The following IL1RAPL1 variants were observed in gnomAD, a reference collection of about 807,000 sequenced individuals.
IL1RAPL1 encodes interleukin-1 receptor accessory protein-like 1.
Under a neutral mutation model 48.4 loss-of-function variants are expected in IL1RAPL1, and 3 were observed. The observed-to-expected ratio is 0.06, with a 90% CI of 0.03 to 0.16. IL1RAPL1 has a LOEUF of 0.16. Ranked by LOEUF, IL1RAPL1 falls within the 10% of genes least tolerant of loss-of-function variation. IL1RAPL1 has a pLI of 1.00. For synonymous variants in IL1RAPL1, 185 were observed against 187.7 expected, an observed-to-expected ratio of 0.99 and a Z score of 0.12; for missense variants, 349 against 530.6, an observed-to-expected ratio of 0.66 and a Z score of 3.36.
chrX:29,000,557 A>G (rs1925827411), intron 2 of IL1RAPL1, among the ~76,000 whole-genome samples: 1 of 112,004 alleles, frequency 8.9e-6, no homozygotes, highest in Non-Finnish European at 1.9e-5. Flanking sequence ...TTAGAAGACT[A>G]GTCTATATTA....
At chrX:29,330,295 A>G (rs1480684776) in intron 3 of IL1RAPL1, among the ~76,000 whole-genome samples, 2 of 112,163 alleles carry the variant, frequency 1.8e-5, no homozygotes, top group African/African-American at 6.5e-5. Flanking sequence ...ACTCTACCTC[A>G]TAGGTGTTAA....
intron 5 of IL1RAPL1, among the ~76,000 whole-genome samples, chrX:29,496,567 G>A (rs887099081): frequency 9.6e-6 from 1 of 104,301 alleles, no homozygotes. Flanking sequence ...AAGGTGAGCA[G>A]ATGCCAGCAC....
chrX:29,730,342 G>T (rs781030498), intron 6 of IL1RAPL1, among the ~76,000 whole-genome samples: 70 of 111,989 alleles, frequency 6.3e-4, no homozygotes, highest in African/African-American at 2.2e-3. Context: ...CTGGATGCTG[G>T]AGATACAAGT....
intron 1 of IL1RAPL1, among the ~76,000 whole-genome samples, chrX:28,638,228 G>A (rs915389732): frequency 4.5e-5 from 5 of 111,412 alleles, no homozygotes; most frequent in African/African-American, 1.3e-4. Flanking sequence ...GAAATTATAT[G>A]CCTAGTCCAG....
intron 5 of IL1RAPL1, among the ~76,000 whole-genome samples, chrX:29,415,773 T>G (rs1934207509): frequency 8.9e-6 from 1 of 112,542 alleles, no homozygotes; most frequent in Non-Finnish European, 1.9e-5. Flanking sequence ...TTTTTGCCAC[T>G]TAGTGGCAAG....
intron 2 of IL1RAPL1, among the ~76,000 whole-genome samples, chrX:28,831,026 C>CTCTCTCTCTCTCTGTGTG (rs1438889606): frequency 8.9e-5 from 3 of 33,644 alleles, no homozygotes; most frequent in Admixed American, 4.7e-4. Context: ...CTCTCTCTCT[C>CTCTCTCTCTCTCTGTGTG]TGTGTGTGTG....
intron 1 of IL1RAPL1, among the ~76,000 whole-genome samples, chrX:28,615,390 C>T (rs1182648582): frequency 1.8e-5 from 2 of 109,130 alleles, no homozygotes; most frequent in Admixed American, 2.0e-4. Context: ...CTTCTAAAAA[C>T]CAATTGCCAA....
intron 2 of IL1RAPL1, among the ~76,000 whole-genome samples, chrX:29,140,694 G>T (rs1315597403): frequency 8.9e-6 from 1 of 111,809 alleles, no homozygotes; most frequent in Admixed American, 9.5e-5. Flanking sequence ...AGTCCTGGAG[G>T]CTGAGAAGTC....
At chrX:28,608,851 T>G (rs1296553655) in intron 1 of IL1RAPL1, among the ~76,000 whole-genome samples, 1 of 112,052 alleles carries the variant, frequency 8.9e-6, no homozygotes, top group Non-Finnish European at 1.9e-5. Context: ...ATAATTTAGA[T>G]GTGCATTTTA....
At chrX:29,441,186 TC>T (rs1934543680) in intron 5 of IL1RAPL1, among the ~76,000 whole-genome samples, 1 of 111,502 alleles carries the variant, frequency 9.0e-6, no homozygotes. Context: ...CTGGAATATG[TC>T]CATGTTACCC....
chrX:29,449,780 C>CACACACACAGAGAGAGAGAG (rs557765024), intron 5 of IL1RAPL1, among the ~76,000 whole-genome samples: 7 of 58,247 alleles, frequency 1.2e-4, no homozygotes, highest in Admixed American at 3.7e-4. Context: ...CACACACACA[C>CACACACACAGAGAGAGAGAG]AGAGAGAGAG....
intron 5 of IL1RAPL1, among the ~76,000 whole-genome samples, chrX:29,513,746 G>T: frequency 8.9e-6 from 1 of 112,226 alleles, no homozygotes; most frequent in Middle Eastern, 4.6e-3. Flanking sequence ...TAGCATGAAA[G>T]TTGCTTATTT....
chrX:29,058,198 A>C (rs1041481640), intron 2 of IL1RAPL1, among the ~76,000 whole-genome samples: 1 of 109,219 alleles, frequency 9.2e-6, no homozygotes, highest in Non-Finnish European at 1.9e-5. Context: ...ACATGGTGAA[A>C]CCCCCCCGTC....
chrX:29,302,983 C>T (rs1278659621), intron 3 of IL1RAPL1, among the ~76,000 whole-genome samples: 1 of 112,152 alleles, frequency 8.9e-6, no homozygotes, highest in Non-Finnish European at 1.9e-5. Flanking sequence ...GAGTTATACC[C>T]GAAGGGAGAG....
chrX:28,873,670 T>C (rs1203477774), intron 2 of IL1RAPL1, among the ~76,000 whole-genome samples: 5 of 107,777 alleles, frequency 4.6e-5, no homozygotes, highest in Non-Finnish European at 7.7e-5. Context: ...TAGCTGGGAC[T>C]ACAGGAGCCC....
At chrX:29,306,871 A>C (rs1187688105) in intron 3 of IL1RAPL1, among the ~76,000 whole-genome samples, 2 of 107,856 alleles carry the variant, frequency 1.9e-5, no homozygotes, top group African/African-American at 6.7e-5. Context: ...AAAAAAAAAA[A>C]AAAAAAAAAA....
intron 1 of IL1RAPL1, among the ~76,000 whole-genome samples, chrX:28,649,072 A>G (rs1011384443): frequency 1.8e-5 from 2 of 112,157 alleles, no homozygotes; most frequent in African/African-American, 6.5e-5. Context: ...ATTTGTCTGT[A>G]TCTCCATTTC....
intron 6 of IL1RAPL1, among the ~76,000 whole-genome samples, chrX:29,736,451 C>T (rs181324044): frequency 1.6e-4 from 18 of 112,174 alleles, no homozygotes; most frequent in Admixed American, 1.4e-3. Context: ...TTGGGCTGGG[C>T]GCAGTGGCTC....
At chrX:29,340,375 A>G (rs893181432) in intron 3 of IL1RAPL1, among the ~76,000 whole-genome samples, 1 of 111,276 alleles carries the variant, frequency 9.0e-6, no homozygotes, top group Admixed American at 9.6e-5. Flanking sequence ...GCAATTACCA[A>G]TCTACATTCT....
Sources: gnomAD v4.1 joint callset for allele counts (sites outside exome capture counted in the v4.1 genomes callset) on GRCh38, gnomAD v4.1.1 for gene constraint, MANE v1.5 for transcripts, NCBI Gene and HGNC (gene_info 2026-07-23, HGNC 2026-07-21) for gene names.